Variants in PRDM16 observed in about 807,000 individuals in gnomAD.
The protein encoded by PRDM16 is histone-lysine N-methyltransferase PRDM16.
PRDM16 carries 23 observed loss-of-function variants against 110.6 expected under a neutral mutation model. The ratio of observed to expected loss-of-function variants is 0.21; its 90% confidence interval spans 0.15 to 0.29. PRDM16 has a LOEUF of 0.29. Among genes scored for constraint, PRDM16 ranks in the 10% least tolerant of loss-of-function variants. PRDM16 has a pLI of 1.00. For missense variants in PRDM16, 1,615 were observed against 1,794.3 expected (o/e 0.90, Z 1.81); for synonymous variants, 799 against 781.8 (o/e 1.02, Z -0.37).
intron 10 of PRDM16, among the ~76,000 whole-genome samples, chr1:3,416,767 C>T (rs371790009): frequency 2.6e-4 from 39 of 152,338 alleles, no homozygotes; most frequent in African/African-American, 9.4e-4. Flanking sequence ...ACTGGCCCCA[C>T]CTTCAGCAGG....
At chr1:3,286,607 G>A (rs1167170137) in intron 3 of PRDM16, among the ~76,000 whole-genome samples, 1 of 152,162 alleles carries the variant, frequency 6.6e-6, no homozygotes, top group East Asian at 1.9e-4. Context: ...GGATGCTCAG[G>A]AACCCCGTGT....
chr1:3,117,994 G>A (rs376031628), intron 1 of PRDM16, among the ~76,000 whole-genome samples: 57 of 151,970 alleles, frequency 3.8e-4, no homozygotes, highest in African/African-American at 9.9e-4. Flanking sequence ...GTACATGCAC[G>A]CGTGTGTGCG....
At chr1:3,198,876 C>T (rs559600530) in intron 2 of PRDM16, among the ~76,000 whole-genome samples, 1 of 152,190 alleles carries the variant, frequency 6.6e-6, no homozygotes, top group South Asian at 2.1e-4. Flanking sequence ...ACGTCCACTC[C>T]GTTCCCATTT....
rs201973608 is a variant in PRDM16 at position 3,187,710 on chromosome 1, A to G, written c.387+1236A>G. ...GGCAAGGAGACCAGGGCACCTTGGC[A>G]GCTCCCAGCAGGCAGATGTGGTCCT... On this transcript the variant is annotated intron_variant, in intron 2 of 16. Transcript: ENST00000270722. 6.6e-5 allele frequency among the ~76,000 whole-genome samples: 10 copies of G among 152,280 alleles called. No homozygotes were observed. The East Asian group carries it at 1.7e-3, about 26-fold the overall frequency.
intron 1 of PRDM16, among the ~76,000 whole-genome samples, chr1:3,149,590 T>C (rs1643739833): frequency 1.3e-5 from 2 of 152,180 alleles, no homozygotes; most frequent in Admixed American, 1.3e-4. Context: ...AGGCCAGGAA[T>C]CCATGCTGTC....
At chr1:3,292,464 C>T (rs954780214) in intron 3 of PRDM16, among the ~76,000 whole-genome samples, 1 of 152,246 alleles carries the variant, frequency 6.6e-6, no homozygotes, top group Non-Finnish European at 1.5e-5. Flanking sequence ...AGCCGTCGCT[C>T]TCCGCCTGGC....
At position 3,084,303 on chromosome 1, in the gene PRDM16, C is replaced by T. The variant is rs748320697; in HGVS notation, c.37+15007C>T. ...AGACCCAGAGGCAGGGCACAGGGGC[C>T]GCCTCTGGCCCTTTCAAAGGGACAT... On this transcript the variant is annotated intron_variant, in intron 1 of 16. Coordinates refer to ENST00000270722, the MANE Select transcript of PRDM16 (RefSeq NM_022114.4). Among the ~76,000 whole-genome samples, 10 of 152,236 alleles carry T rather than the reference C, an allele frequency of 6.6e-5. No individual in the cohort carries two copies. The South Asian group carries it at 2.1e-3, about 32-fold the overall frequency.
chr1:3,268,377 G>A (rs1433061421), intron 3 of PRDM16, among the ~76,000 whole-genome samples: 6 of 152,238 alleles, frequency 3.9e-5, no homozygotes, highest in Admixed American at 2.0e-4. Flanking sequence ...TGGACTACGG[G>A]GAGAAATTAC....
intron 8 of PRDM16, among the ~76,000 whole-genome samples, chr1:3,408,795 C>CGTGT (rs35154920): frequency 0.011 from 1,429 of 133,352 alleles, 45 homozygotes; most frequent in Non-Finnish European, 0.018. Context: ...TGAGCCGGTG[C>CGTGT]GTGTGTGTGA....
chr1:3,092,291 G>A (rs889673991), intron 1 of PRDM16, among the ~76,000 whole-genome samples: 2 of 144,310 alleles, frequency 1.4e-5, no homozygotes, highest in Admixed American at 7.0e-5. Context: ...GCTGCTCTTC[G>A]TGAGTCCCGA....
At chr1:3,329,109 CCCCAAGGGCCT>C (rs1254028315) in intron 3 of PRDM16, among the ~76,000 whole-genome samples, 2 of 152,218 alleles carry the variant, frequency 1.3e-5, no homozygotes, top group African/African-American at 4.8e-5. Flanking sequence ...CCACCTCTGC[CCCCAAGGGCCT>C]CCCAAACTGC....
intron 2 of PRDM16, among the ~76,000 whole-genome samples, chr1:3,200,588 C>T (rs7410915): frequency 0.066 from 10,069 of 152,228 alleles, 438 homozygotes; most frequent in African/African-American, 0.11. Flanking sequence ...GTGATCTGCC[C>T]GCCTCGGCCT....
rs749171035 is a variant in PRDM16 at position 3,417,943 on chromosome 1, C to T, written c.2807C>T (p.Pro936Leu). 1 of 1,613,118 alleles carries T rather than the reference C, an allele frequency of 6.2e-7. No individual in the cohort carries two copies. Among genetic ancestry groups the T allele is most frequent in the East Asian group, 2.2e-5 (1 of 44,874 alleles). Residue 936 changes from proline to leucine, a missense_variant, in exon 11 of 17, where the codon CCC (proline) becomes CTC (leucine). Pro to Leu is a moderately conservative substitution (Grantham distance 98). Around this residue, in one of 5 missense-constraint regions of PRDM16, gnomAD observed 772 missense variants for 748.3 expected, o/e 1.03. Coordinates refer to ENST00000270722, the MANE Select transcript of PRDM16 (RefSeq NM_022114.4). ...PHHPFNFRSP[P>L]PTLSDPILRK... ...CACCCCTTCAACTTCCGGTCCCCACCCCCAACGCTCTCCGACCCCATCCTC... is the reference window on the plus strand; with the variant it reads ...CACCCCTTCAACTTCCGGTCCCCACTCCCAACGCTCTCCGACCCCATCCTC...
intron 1 of PRDM16, among the ~76,000 whole-genome samples, chr1:3,075,488 A>G (rs1307452088): frequency 5.9e-5 from 9 of 152,282 alleles, no homozygotes; most frequent in Non-Finnish European, 1.3e-4. Context: ...TCAGCTTTAT[A>G]CAGCTTAAAC....
intron 10 of PRDM16, among the ~76,000 whole-genome samples, chr1:3,416,969 G>A (rs1359377909): frequency 6.6e-6 from 1 of 152,240 alleles, no homozygotes; most frequent in Non-Finnish European, 1.5e-5. Flanking sequence ...GAGAAGGGGA[G>A]CTGGGAGAGG....
Position 3,432,131 on chromosome 1 carries a change from T to C in PRDM16, c.3687T>C (p.Ala1229=), listed in dbSNP as rs188634763. The change falls in exon 16 of 17, where the codon GCT becomes GCC. Residue 1229 remains alanine, a synonymous_variant. Transcript: ENST00000270722. ...TAAAACATACACTGTGCAGGCAGGC[T>C]AAGAACCAGGTAGGTACCCGCCAGA... is the stretch of plus-strand genomic sequence containing the variant. ...EALKHTLCRQ[A]KNQAYAMMLS... 2.8e-4 allele frequency: 449 copies of C among 1,613,288 alleles called. 2 individuals are homozygous for C. In the African/African-American group the frequency reaches 4.7e-3, roughly 17 times the overall value.
At chr1:3,138,879 C>T (rs985090600) in intron 1 of PRDM16, among the ~76,000 whole-genome samples, 13 of 152,120 alleles carry the variant, frequency 8.5e-5, no homozygotes, top group African/African-American at 1.4e-4. Context: ...TGTGATGTAC[C>T]GGGTGTGTTG....
intron 3 of PRDM16, among the ~76,000 whole-genome samples, chr1:3,301,646 G>A (rs1191996610): frequency 6.6e-6 from 1 of 152,144 alleles, no homozygotes; most frequent in Non-Finnish European, 1.5e-5. Context: ...ACGTCCGGTG[G>A]GCAGGACAGG....
intron 3 of PRDM16, among the ~76,000 whole-genome samples, chr1:3,341,503 C>T (rs1345406548): frequency 6.6e-6 from 1 of 152,016 alleles, no homozygotes; most frequent in South Asian, 2.1e-4. Context: ...GCCTGGCTAG[C>T]GAGACCCGCC....
Sources: gnomAD v4.1 joint callset for allele counts (sites outside exome capture counted in the v4.1 genomes callset) on GRCh38, gnomAD v4.1.1 for gene constraint, gnomAD v4.1.1 regional missense constraint, MANE v1.5 for transcripts, NCBI Gene and HGNC (gene_info 2026-07-23, HGNC 2026-07-21) for gene names.